The following TMEM51 variants were observed in gnomAD, a reference collection of about 807,000 sequenced individuals.
The protein encoded by TMEM51 is transmembrane protein 51.
Under a neutral mutation model 13.6 loss-of-function variants are expected in TMEM51, and 8 were observed. The ratio of observed to expected loss-of-function variants is 0.59; its 90% confidence interval spans 0.35 to 1.07. The LOEUF (loss-of-function observed/expected upper bound fraction) is 1.07. Ranked by LOEUF, TMEM51 falls within the 50% of genes least tolerant of loss-of-function variation. The pLI is 0.02. For missense variants in TMEM51, 279 were observed against 330.7 expected, an observed-to-expected ratio of 0.84 and a Z score of 1.21; for synonymous variants, 147 against 144.4, an observed-to-expected ratio of 1.02 and a Z score of -0.13.
chr1:15,170,033 T>A (rs1201401101), intron 1 of TMEM51, among the ~76,000 whole-genome samples: 3 of 152,220 alleles, frequency 2.0e-5, no homozygotes, highest in African/African-American at 7.2e-5. Context: ...CTGGGTGACC[T>A]TGAGCCATGG....
At chr1:15,172,387 C>CAAAAAAA (rs34718626) in intron 1 of TMEM51, among the ~76,000 whole-genome samples, 1 of 75,218 alleles carries the variant, frequency 1.3e-5, no homozygotes, top group Admixed American at 1.7e-4. Context: ...GACCCTGTCT[C>CAAAAAAA]AAAAAAAAAA....
In TMEM51 at chr1:15,219,756, G is replaced by A. The variant is rs1457723327; in HGVS notation, c.*13G>A. Reference sequence around the variant, plus strand: ...GCCGCCCGACTGAATGGCCCCACTTGAGCCACGCTCCCTCCTGTCTCTCAC... The same window carrying A: ...GCCGCCCGACTGAATGGCCCCACTTAAGCCACGCTCCCTCCTGTCTCTCAC... On this transcript the variant is annotated 3_prime_UTR_variant, in exon 4 of 4. Coordinates refer to ENST00000376008, the MANE Select transcript of TMEM51 (RefSeq NM_001136218.2). The A allele has an allele frequency of 3.7e-6, 6 of 1,610,442 alleles. No homozygotes were observed. Among genetic ancestry groups the A allele is most frequent in the African/African-American group, 1.3e-5 (1 of 74,856 alleles).
intron 1 of TMEM51, among the ~76,000 whole-genome samples, chr1:15,159,167 A>T (rs918423975): frequency 3.3e-5 from 5 of 152,198 alleles, no homozygotes; most frequent in African/African-American, 1.2e-4. Flanking sequence ...CCACTTTTAA[A>T]ACTCTGTGAC....
Position 15,220,094 on chromosome 1 carries a change from G to C in TMEM51, c.*351G>C, listed in dbSNP as rs1241351549. ...TTCCTCGCGGCTGGTTTAGATTGTG[G>C]TTGTTTGTTTTGCTTCTACTAAGAC... On this transcript the variant is annotated 3_prime_UTR_variant, in exon 4 of 4. Coordinates refer to ENST00000376008, the MANE Select transcript of TMEM51 (RefSeq NM_001136218.2). 3.8e-6 allele frequency: 1 copy of C among 265,072 alleles called. No homozygotes were observed. Among genetic ancestry groups the C allele is most frequent in the African/African-American group, 2.2e-5 (1 of 46,032 alleles). 16.4% of individuals were successfully genotyped at this position (265,072 alleles called of 1,614,324 possible). A position where few individuals can be genotyped will look rare whatever the true frequency, so the allele number is the denominator to read the frequency against.
rs796274669 is a variant in TMEM51, at chr1:15,206,340, AGAAGGAAGGAGG to A, written c.-266-4135_-266-4124del. Among the ~76,000 whole-genome samples, 120 of 147,440 alleles carry A rather than the reference AGAAGGAAGGAGG, an allele frequency of 8.1e-4. 1 individual carries two copies. The highest frequency in any genetic ancestry group is 1.8e-3 in the African/African-American group (73 of 41,096). ...CTTTTGTCCTGAAACACCTCTGGGA[AGAAGGAAGGAGG>A]GAAGGAAGGAGGGAGGGTAGGGAGG... is the stretch of plus-strand genomic sequence containing the variant. On this transcript the variant is annotated intron_variant, in intron 1 of 3. Transcript: ENST00000376008.
At chr1:15,196,366 T>C (rs1348617555) in intron 1 of TMEM51, among the ~76,000 whole-genome samples, 2 of 148,336 alleles carry the variant, frequency 1.3e-5, no homozygotes, top group Non-Finnish European at 3.0e-5. Context: ...TGGCAATCAC[T>C]ACAAATCTGG....
intron 1 of TMEM51, among the ~76,000 whole-genome samples, chr1:15,166,927 C>T (rs757905355): frequency 1.4e-4 from 21 of 152,096 alleles, no homozygotes; most frequent in Non-Finnish European, 2.6e-4. Context: ...CCCCAGCAGC[C>T]ACTGATCTTT....
At chr1:15,188,996 G>A (rs1396752118) in intron 1 of TMEM51, among the ~76,000 whole-genome samples, 3 of 152,158 alleles carry the variant, frequency 2.0e-5, no homozygotes, top group African/African-American at 4.8e-5. Flanking sequence ...AACCATCCAT[G>A]CCCAGCTCAT....
rs1337435831 is a variant in TMEM51 at position 15,207,336 on chromosome 1, C to T, written c.-266-3154C>T. 2.0e-5 allele frequency among the ~76,000 whole-genome samples: 3 copies of T among 152,208 alleles called. No homozygotes were observed. Among genetic ancestry groups the T allele is most frequent in the African/African-American group, 2.4e-5 (1 of 41,456 alleles). On this transcript the variant is annotated intron_variant, in intron 1 of 3. Coordinates refer to ENST00000376008, the MANE Select transcript of TMEM51 (RefSeq NM_001136218.2). This position sits in a 1 kb window ranked among gnomAD's most constrained non-coding sequence, Gnocchi z 4.6. Reference sequence around the variant, plus strand: ...CAGTGGTCACGTGAGGGTCTACATCCGATTCCCAGTTTCTAAACTGTGTCC... The same window carrying T: ...CAGTGGTCACGTGAGGGTCTACATCTGATTCCCAGTTTCTAAACTGTGTCC...
intron 1 of TMEM51, among the ~76,000 whole-genome samples, chr1:15,154,642 C>T (rs1244098402): frequency 6.6e-6 from 1 of 152,114 alleles, no homozygotes; most frequent in Non-Finnish European, 1.5e-5. Flanking sequence ...AATCAGATCT[C>T]AAATCAGCGC....
intron 1 of TMEM51, among the ~76,000 whole-genome samples, chr1:15,195,352 C>T (rs998393194): frequency 1.3e-5 from 2 of 152,142 alleles, no homozygotes; most frequent in East Asian, 3.8e-4. Context: ...GTCATCTCAA[C>T]ACGTAATTAA....
intron 1 of TMEM51, among the ~76,000 whole-genome samples, chr1:15,177,296 A>G (rs1643481995): frequency 6.6e-6 from 1 of 152,250 alleles, no homozygotes; most frequent in Non-Finnish European, 1.5e-5. Context: ...TGGAGCTGCC[A>G]GTTTGAAACC....
intron 1 of TMEM51, chr1:15,168,439 TTGGATACATCTGCAATTAGC>T: frequency 7.9e-7 from 1 of 1,270,204 alleles, no homozygotes; most frequent in Non-Finnish European, 1.0e-6. Flanking sequence ...TATAATGAGC[TTGGATACATCTGCAATTAGC>T]TGTAACTCAG....
At chr1:15,203,478 G>C (rs1644195514) in intron 1 of TMEM51, among the ~76,000 whole-genome samples, 1 of 151,712 alleles carries the variant, frequency 6.6e-6, no homozygotes, top group Admixed American at 6.6e-5. Flanking sequence ...GGTCAGGCTG[G>C]TCTCGAACTC....
intron 1 of TMEM51, among the ~76,000 whole-genome samples, chr1:15,174,722 G>C (rs1241276743): frequency 6.6e-6 from 1 of 152,204 alleles, no homozygotes; most frequent in South Asian, 2.1e-4. Context: ...GGGGGGTGTA[G>C]TTTAAGACCC....
intron 1 of TMEM51, among the ~76,000 whole-genome samples, chr1:15,169,642 T>C (rs1479357992): frequency 6.6e-6 from 1 of 152,222 alleles, no homozygotes; most frequent in African/African-American, 2.4e-5. Context: ...AAATGTCTTC[T>C]TGTAGAAACA....
intron 1 of TMEM51, among the ~76,000 whole-genome samples, chr1:15,165,135 C>A (rs918699993): frequency 7.2e-5 from 11 of 152,096 alleles, no homozygotes; most frequent in African/African-American, 2.7e-4. Context: ...GCTGAATGCC[C>A]TAGTTGAGAA....
rs1573359376 is a variant in TMEM51, at chr1:15,153,857, C to T, written c.-364C>T. 1 of 151,590 alleles carries T rather than the reference C, an allele frequency of 6.6e-6. No individual in the cohort carries two copies. Among genetic ancestry groups the T allele is most frequent in the Non-Finnish European group, 1.5e-5 (1 of 67,944 alleles). 9.4% of individuals were successfully genotyped at this position (151,590 alleles called of 1,614,324 possible). On this transcript the variant is annotated 5_prime_UTR_variant, in exon 1 of 4. Transcript: ENST00000376008. ...CCGAACCCCAGCCCCGCGATCGCGG[C>T]GCCCACCGAGGAGGCCGCCCGGGTG...
chr1:15,217,665 G>A (rs1229657216), intron 3 of TMEM51, among the ~76,000 whole-genome samples: 1 of 152,142 alleles, frequency 6.6e-6, no homozygotes, highest in African/African-American at 2.4e-5. Flanking sequence ...CTGAGAGCAG[G>A]AGAAGATGAA....
Sources: allele counts gnomAD v4.1 joint callset (sites outside exome capture counted in the v4.1 genomes callset), GRCh38; gene constraint gnomAD v4.1.1; non-coding constraint Gnocchi (gnomAD v3.1); transcripts MANE v1.5; gene names NCBI Gene and HGNC (gene_info 2026-07-23, HGNC 2026-07-21).